Variants in SLC14A2 observed in about 807,000 individuals in gnomAD.
SLC14A2 encodes solute carrier family 14 member 2, also known as urea transporter 2.
In SLC14A2, 91 loss-of-function variants were observed where a neutral mutation model predicts 104.6. The ratio of observed to expected loss-of-function variants is 0.87; its 90% CI spans 0.73 to 1.04. The LOEUF (loss-of-function observed/expected upper bound fraction) is 1.04, where lower values mean the gene tolerates loss of function less well. Among genes scored for constraint, SLC14A2 ranks in the 50% least tolerant of loss-of-function variants. SLC14A2 has a pLI of 0.00. For missense variants in SLC14A2, 1,189 were observed against 1,156.0 expected (o/e 1.03, Z -0.41); for synonymous variants, 476 against 466.4 (o/e 1.02, Z -0.27).
chr18:45,567,691 C>A (rs1321582224), intron 2 of SLC14A2, among the ~76,000 whole-genome samples: 1 of 151,686 alleles, frequency 6.6e-6, no homozygotes, highest in African/African-American at 2.4e-5. Context: ...AGCCGCCCAC[C>A]TCTCTCGGCC....
intron 1 of SLC14A2, among the ~76,000 whole-genome samples, chr18:45,458,197 A>C (rs1238112409): frequency 6.6e-6 from 1 of 152,214 alleles, no homozygotes; most frequent in East Asian, 1.9e-4. Context: ...GAGTGGAGCC[A>C]ACAAAAGCTG....
intron 1 of SLC14A2, among the ~76,000 whole-genome samples, chr18:45,316,361 G>A (rs2085129234): frequency 6.6e-6 from 1 of 152,216 alleles, no homozygotes; most frequent in Non-Finnish European, 1.5e-5. Context: ...CAGAGGTTGA[G>A]ATAAAGGGAA....
chr18:45,667,595 C>T (rs1326179068), intron 13 of SLC14A2, among the ~76,000 whole-genome samples: 2 of 152,182 alleles, frequency 1.3e-5, no homozygotes, highest in Non-Finnish European at 2.9e-5. Context: ...CCTAATCCCC[C>T]CTGCCAGAAA....
At chr18:45,674,119 A>C (rs561720738) in intron 18 of SLC14A2, among the ~76,000 whole-genome samples, 1 of 152,200 alleles carries the variant, frequency 6.6e-6, no homozygotes, top group African/African-American at 2.4e-5. Flanking sequence ...CACCTTAAGC[A>C]TTCAAACATT....
intron 1 of SLC14A2, among the ~76,000 whole-genome samples, chr18:45,362,086 G>A (rs1408817154): frequency 1.3e-5 from 2 of 152,194 alleles, no homozygotes; most frequent in Middle Eastern, 3.2e-3. Context: ...CCATGGTAGT[G>A]AGTGAGTTCT....
chr18:45,599,127 C>A (rs1479616431), intron 2 of SLC14A2, among the ~76,000 whole-genome samples: 3 of 151,962 alleles, frequency 2.0e-5, no homozygotes, highest in Non-Finnish European at 2.9e-5. Flanking sequence ...TAAACCAAAC[C>A]CTGGAGGCAT....
At chr18:45,519,244 G>A (rs555844917) in intron 2 of SLC14A2, among the ~76,000 whole-genome samples, 2 of 152,162 alleles carry the variant, frequency 1.3e-5, no homozygotes, top group Non-Finnish European at 2.9e-5. Context: ...CTGAATCCAT[G>A]TATAAATGAA....
intron 1 of SLC14A2, among the ~76,000 whole-genome samples, chr18:45,317,137 A>T (rs1474933222): frequency 6.6e-6 from 1 of 152,186 alleles, no homozygotes; most frequent in East Asian, 1.9e-4. Flanking sequence ...TATTAAAACC[A>T]CCTTAGATTA....
intron 10 of SLC14A2, among the ~76,000 whole-genome samples, chr18:45,658,667 T>C (rs761926220): frequency 2.0e-5 from 3 of 151,872 alleles, no homozygotes; most frequent in Non-Finnish European, 4.4e-5. Context: ...AGAAAGAGGG[T>C]AGATTATTAT....
At chr18:45,387,274 G>A (rs2612574) in intron 1 of SLC14A2, among the ~76,000 whole-genome samples, 2 of 152,038 alleles carry the variant, frequency 1.3e-5, no homozygotes, top group African/African-American at 4.8e-5. Flanking sequence ...AAGCAACCCC[G>A]TATTTCAAAG....
chr18:45,400,649 T>C (rs558544941), intron 1 of SLC14A2, among the ~76,000 whole-genome samples: 3 of 152,308 alleles, frequency 2.0e-5, no homozygotes, highest in African/African-American at 7.2e-5. Context: ...TCCATCAATG[T>C]TTCTTGCCTG....
In SLC14A2 at chr18:45,603,382, T is replaced by C. The variant is rs182686640; in HGVS notation, c.-34-21249T>C. Among the ~76,000 whole-genome samples the C allele has an allele frequency of 2.0e-5, 3 of 152,216 alleles. No individual in the cohort carries two copies. In the East Asian group the frequency reaches 5.8e-4, roughly 29 times the overall value. ...TCTGATCTTTGTCCTAGATTAACCATTGACAATCAACAAGCAGATGACAGA... is the reference window on the plus strand; with the variant it reads ...TCTGATCTTTGTCCTAGATTAACCACTGACAATCAACAAGCAGATGACAGA... On this transcript the variant is annotated intron_variant, in intron 2 of 20. Coordinates refer to the SLC14A2 transcript ENST00000586448.
At chr18:45,497,547 CCT>C (rs2043121249) in intron 2 of SLC14A2, among the ~76,000 whole-genome samples, 1 of 152,142 alleles carries the variant, frequency 6.6e-6, no homozygotes, top group African/African-American at 2.4e-5. Context: ...CCAGACAAGG[CCT>C]CTCTGTTGAC....
At chr18:45,546,911 T>C (rs1002663503) in intron 2 of SLC14A2, among the ~76,000 whole-genome samples, 3 of 152,176 alleles carry the variant, frequency 2.0e-5, no homozygotes, top group African/African-American at 4.8e-5. Context: ...TTTCATTCCG[T>C]CCTATGGGCT....
At chr18:45,308,187 G>A (rs1046494846) in intron 1 of SLC14A2, among the ~76,000 whole-genome samples, 5 of 152,140 alleles carry the variant, frequency 3.3e-5, no homozygotes, top group Non-Finnish European at 5.9e-5. Context: ...ATTTCAATAT[G>A]AGATTTGGAG....
At chr18:45,272,700 A>G (rs954885257) in intron 1 of SLC14A2, among the ~76,000 whole-genome samples, 3 of 152,264 alleles carry the variant, frequency 2.0e-5, no homozygotes, top group Middle Eastern at 6.8e-3. Context: ...GAAGCACAAT[A>G]GGGTGACTTT....
At chr18:45,306,877 C>T (rs1330552107) in intron 1 of SLC14A2, among the ~76,000 whole-genome samples, 1 of 152,162 alleles carries the variant, frequency 6.6e-6, no homozygotes, top group Non-Finnish European at 1.5e-5. Flanking sequence ...CTGGAGGCCA[C>T]AAGAACCATC....
intron 1 of SLC14A2, among the ~76,000 whole-genome samples, chr18:45,248,813 T>C (rs760474833): frequency 7.9e-5 from 12 of 152,224 alleles, no homozygotes; most frequent in Non-Finnish European, 1.8e-4. Flanking sequence ...GGCTTAGCTC[T>C]TAGGCAATTT....
chr18:45,223,486 C>T (rs2084083451), intron 1 of SLC14A2, among the ~76,000 whole-genome samples: 1 of 152,178 alleles, frequency 6.6e-6, no homozygotes, highest in Non-Finnish European at 1.5e-5. Flanking sequence ...CAAACACAGT[C>T]AGAAATCCTG....
Sources: allele counts gnomAD v4.1 joint callset (sites outside exome capture counted in the v4.1 genomes callset), GRCh38; gene constraint gnomAD v4.1.1; transcripts MANE v1.5; gene names NCBI Gene and HGNC (gene_info 2026-07-23, HGNC 2026-07-21).